DNAH11: variants seen among roughly 807,000 people sequenced by gnomAD.
The protein encoded by DNAH11 is dynein axonemal heavy chain 11, also known as axonemal beta dynein heavy chain 11.
DNAH11 carries 442 observed loss-of-function variants against 526.0 expected under a neutral mutation model. That is an observed-to-expected ratio of 0.84 (90% confidence interval 0.78 to 0.91). DNAH11 has a LOEUF of 0.91. DNAH11 is among the 40% of genes least tolerant of loss of function. The probability of loss-of-function intolerance (pLI) is 0.00; values close to 1 mark genes in which losing one functional copy is unlikely to be tolerated. For synonymous variants in DNAH11, 2,461 were observed against 1,935.9 expected, an observed-to-expected ratio of 1.27 and a Z score of -7.12; for missense variants, 6,989 against 5,448.7, an observed-to-expected ratio of 1.28 and a Z score of -8.90.
intron 65 of DNAH11, among the ~76,000 whole-genome samples, chr7:21,820,616 G>C (rs1790012087): frequency 6.6e-6 from 1 of 152,112 alleles, no homozygotes; most frequent in Non-Finnish European, 1.5e-5. Context: ...AGAAGGATGT[G>C]GACTGGGACA....
chr7:21,688,228 A>C (rs951370375), intron 34 of DNAH11, among the ~76,000 whole-genome samples: 3 of 152,058 alleles, frequency 2.0e-5, no homozygotes, highest in African/African-American at 7.3e-5. Flanking sequence ...CTCTCCCCTC[A>C]CAGCGCTTCA....
intron 79 of DNAH11, among the ~76,000 whole-genome samples, chr7:21,897,705 T>C (rs1236332110): frequency 6.6e-6 from 1 of 152,198 alleles, no homozygotes; most frequent in Non-Finnish European, 1.5e-5. Flanking sequence ...AACCTCTGCC[T>C]CTTGGGTTCA....
intron 46 of DNAH11, among the ~76,000 whole-genome samples, chr7:21,738,401 G>A (rs1234731323): frequency 1.3e-5 from 2 of 152,140 alleles, no homozygotes; most frequent in Non-Finnish European, 2.9e-5. Flanking sequence ...GAGGAAGTAC[G>A]CAGATCAGCA....
rs1783386395 is a variant in DNAH11, at chr7:21,559,871, T to A, written c.882+79T>A. The A allele has an allele frequency of 2.5e-6, 3 of 1,198,954 alleles. No homozygotes were observed. The Admixed American group carries it at 7.0e-5, about 28-fold the overall frequency. 74.3% of individuals were successfully genotyped at this position (1,198,954 alleles called of 1,614,324 possible). Reference sequence around the variant, plus strand: ...GCAATGACCAATAGTTTTAAAGATTTAACACACTGTCTTTGTATAATTTAC... The same window carrying A: ...GCAATGACCAATAGTTTTAAAGATTAAACACACTGTCTTTGTATAATTTAC... On this transcript the variant is annotated intron_variant, in intron 4 of 81. Transcript: ENST00000409508.
At chr7:21,660,263 A>C (rs1438516461) in intron 30 of DNAH11, among the ~76,000 whole-genome samples, 2 of 152,030 alleles carry the variant, frequency 1.3e-5, no homozygotes, top group South Asian at 4.1e-4. Flanking sequence ...TTTTATTATG[A>C]CCATTTTCAT....
rs748834259 is a variant in DNAH11, at chr7:21,867,935, A to G, written c.11767A>G (p.Ser3923Gly). The G allele has an allele frequency of 6.4e-7, 1 of 1,573,532 alleles. No individual in the cohort carries two copies. Among genetic ancestry groups the G allele is most frequent in the Admixed American group, 1.8e-5 (1 of 54,262 alleles). The part of the protein sequence containing the change: ...RLDLVKAFEE[S>G]SPATPIFFIL... The stretch of plus-strand genomic sequence containing the variant: ...GGACTTAGTTAAAGCATTCGAAGAA[A>G]GCAGCCCAGCCACCCCCATATTCTT... Residue 3923 changes from serine to glycine, a missense_variant, in exon 72 of 82, where the codon AGC becomes GGC. Ser to Gly is a moderately conservative substitution (Grantham distance 56, BLOSUM62 0). Transcript: ENST00000409508.
chr7:21,832,757 T>C (rs868639244), intron 65 of DNAH11, among the ~76,000 whole-genome samples: 22 of 152,160 alleles, frequency 1.4e-4, no homozygotes, highest in African/African-American at 5.1e-4. Flanking sequence ...ATGGCCTGTT[T>C]TGGTGCAGCC....
intron 65 of DNAH11, among the ~76,000 whole-genome samples, chr7:21,839,681 G>A (rs879421620): frequency 6.6e-6 from 1 of 151,954 alleles, no homozygotes; most frequent in Non-Finnish European, 1.5e-5. Context: ...CAATTAAATA[G>A]TAGGAGGTAC....
intron 74 of DNAH11, 33 bp from the exon 75 acceptor site, chr7:21,880,669 G>T (rs1216414146): frequency 1.6e-5 from 25 of 1,610,420 alleles, no homozygotes; most frequent in Non-Finnish European, 1.8e-5. Context: ...CCATACAGAT[G>T]GATAATCAAG....
intron 36 of DNAH11, among the ~76,000 whole-genome samples, chr7:21,701,708 T>C (rs1275259219): frequency 1.3e-5 from 2 of 152,166 alleles, no homozygotes; most frequent in Non-Finnish European, 2.9e-5. Flanking sequence ...GTGGAGTAAA[T>C]GGGATATTTG....
chr7:21,698,281 T>G, intron 36 of DNAH11, 68 bp downstream of exon 36: 3 of 1,578,238 alleles, frequency 1.9e-6, no homozygotes, highest in Non-Finnish European at 2.6e-6. Flanking sequence ...AGTATGGATT[T>G]TAGGTAATTT....
chr7:21,890,791 A>AT (rs1784300392), intron 76 of DNAH11, among the ~76,000 whole-genome samples: 1 of 152,216 alleles, frequency 6.6e-6, no homozygotes, highest in South Asian at 2.1e-4. Flanking sequence ...ATGTGAATAA[A>AT]TAAAGCCAAG....
At chr7:21,627,326 C>G (rs941237896) in intron 25 of DNAH11, among the ~76,000 whole-genome samples, 2 of 151,916 alleles carry the variant, frequency 1.3e-5, no homozygotes, top group Non-Finnish European at 2.9e-5. Flanking sequence ...GTTTTGAAGT[C>G]TTACACACAC....
chr7:21,683,891 C>G lies in DNAH11; in HGVS notation c.5568C>G (p.Phe1856Leu). ...TTTGTGATGCCCAGTTCCAGTACTT[C>G]TATGAATACTTAGGAAACAGCCCTC... ...VNICDAQFQY[F>L]YEYLGNSPRL... Residue 1856 changes from phenylalanine to leucine, a missense_variant, in exon 32 of 82, where the codon TTC becomes TTG. Phe to Leu is a conservative substitution (Grantham distance 22). Coordinates refer to ENST00000409508, the MANE Select transcript of DNAH11 (RefSeq NM_001277115.2). 2 of 1,613,758 alleles carry G rather than the reference C, an allele frequency of 1.2e-6. No individual in the cohort carries two copies. The highest frequency in any genetic ancestry group is 1.7e-6 in the Non-Finnish European group (2 of 1,179,748).
intron 1 of DNAH11, chr7:21,543,913 C>T (rs536578292): frequency 2.2e-4 from 82 of 377,060 alleles, no homozygotes; most frequent in African/African-American, 1.7e-3. Context: ...GGTGGGCTTT[C>T]TGTGCCAAAA....
chr7:21,612,815 AAAC>A (rs1161513532), intron 20 of DNAH11, among the ~76,000 whole-genome samples: 2 of 152,230 alleles, frequency 1.3e-5, no homozygotes, highest in African/African-American at 2.4e-5. Context: ...ACCAATTTAT[AAAC>A]AAGTTTTCAT....
chr7:21,835,308 A>G (rs773825021), intron 65 of DNAH11, among the ~76,000 whole-genome samples: 1 of 152,130 alleles, frequency 6.6e-6, no homozygotes, highest in African/African-American at 2.4e-5. Context: ...AGATAAGGAC[A>G]TACACAAAAG....
At chr7:21,743,420 A>G (rs1786004671) in intron 49 of DNAH11, among the ~76,000 whole-genome samples, 1 of 152,198 alleles carries the variant, frequency 6.6e-6, no homozygotes, top group South Asian at 2.1e-4. Flanking sequence ...GGGGAAATTG[A>G]AAGTCTGGAA....
intron 1 of DNAH11, 52 bp from the exon 2 acceptor site, chr7:21,544,954 C>T: frequency 6.2e-6 from 9 of 1,460,436 alleles, no homozygotes; most frequent in Non-Finnish European, 8.3e-6. Context: ...ATAGTAAATC[C>T]TGCTTGTTAA....
Sources: gnomAD v4.1 joint callset for allele counts (sites outside exome capture counted in the v4.1 genomes callset) on GRCh38, gnomAD v4.1.1 for gene constraint, MANE v1.5 for transcripts, NCBI Gene and HGNC (gene_info 2026-07-23, HGNC 2026-07-21) for gene names.